Variants in NTNG1 observed in about 807,000 individuals in gnomAD.
NTNG1 encodes netrin G1.
NTNG1 carries 16 observed loss-of-function variants against 54.0 expected under a neutral mutation model. That is an observed-to-expected ratio of 0.30 (90% CI 0.20 to 0.45). The LOEUF is 0.45. Ranked by LOEUF, NTNG1 falls within the 20% of genes least tolerant of loss-of-function variation. The pLI, the probability that NTNG1 is intolerant of heterozygous loss-of-function variation, is 1.00. For missense variants in NTNG1, 530 were observed against 678.7 expected (o/e 0.78, Z 2.43); for synonymous variants, 255 against 263.1 (o/e 0.97, Z 0.30).
chr1:107,306,821 A>G (rs1666724314), intron 2 of NTNG1, among the ~76,000 whole-genome samples: 1 of 152,102 alleles, frequency 6.6e-6, no homozygotes, highest in South Asian at 2.1e-4. Context: ...TTCAATTTCT[A>G]TAAGTGACTT....
At chr1:107,474,333 A>G (rs577375074) in intron 7 of NTNG1, among the ~76,000 whole-genome samples, 1 of 152,220 alleles carries the variant, frequency 6.6e-6, no homozygotes, top group Non-Finnish European at 1.5e-5. Context: ...CCAAGTAAAA[A>G]GTGTGATCAC....
At chr1:107,432,786 A>G (rs1006120039) in intron 6 of NTNG1, among the ~76,000 whole-genome samples, 1 of 152,160 alleles carries the variant, frequency 6.6e-6, no homozygotes, top group Non-Finnish European at 1.5e-5. Context: ...AAAAGGAAAT[A>G]TTTTATTCCA....
chr1:107,337,231 G>C (rs75016834), intron 3 of NTNG1, among the ~76,000 whole-genome samples: 5 of 151,864 alleles, frequency 3.3e-5, no homozygotes, highest in African/African-American at 1.2e-4. Flanking sequence ...ATGGATCAGC[G>C]GAAAACCAAA....
At chr1:107,480,569 T>TCG in intron 7 of NTNG1, 42 bp from the exon 8 acceptor site, 2 of 609,596 alleles carry the variant, frequency 3.3e-6, no homozygotes, top group Non-Finnish European at 3.1e-6. Context: ...CTGCTTCTCC[T>TCG]CCCCGCGCCC....
rs34011515 is a variant in NTNG1 at position 107,154,749 on chromosome 1, G to GATAT, written c.246+5923_246+5926dup. Among the ~76,000 whole-genome samples the GATAT allele has an allele frequency of 7.9e-3, 1,172 of 147,450 alleles. 17 individuals are homozygous for GATAT. Among genetic ancestry groups the GATAT allele is most frequent in the African/African-American group, 0.028 (1,122 of 40,298 alleles). On this transcript the variant is annotated intron_variant, in intron 2 of 7. Transcript: ENST00000370068. ...AGAGGAACAAAATAATAAAGAACCT[G>GATAT]ATATATATATATATATCAGGTTGGA...
chr1:107,463,427 T>G (rs1677401912), intron 7 of NTNG1, among the ~76,000 whole-genome samples: 1 of 152,196 alleles, frequency 6.6e-6, no homozygotes. Context: ...CCATTTATCC[T>G]GAGATTTTGG....
intron 7 of NTNG1, among the ~76,000 whole-genome samples, chr1:107,472,087 T>C (rs1678016411): frequency 6.6e-6 from 1 of 152,146 alleles, no homozygotes; most frequent in Non-Finnish European, 1.5e-5. Flanking sequence ...ACTCAGCCCA[T>C]TAACTACAGG....
intron 4 of NTNG1, 81 bp from the exon 5 acceptor site, chr1:107,407,601 T>C (rs879215908): frequency 8.4e-7 from 1 of 1,187,876 alleles, no homozygotes; most frequent in Non-Finnish European, 1.2e-6. Flanking sequence ...GTCAAGTTTC[T>C]AAGATTTTTA....
At chr1:107,157,023 AT>A (rs991760671) in intron 2 of NTNG1, among the ~76,000 whole-genome samples, 1 of 152,208 alleles carries the variant, frequency 6.6e-6, no homozygotes, top group African/African-American at 2.4e-5. Flanking sequence ...ACACACACTT[AT>A]CCCCACACAC....
At chr1:107,384,140 T>G (rs1671815163) in intron 3 of NTNG1, among the ~76,000 whole-genome samples, 1 of 152,200 alleles carries the variant, frequency 6.6e-6, no homozygotes, top group African/African-American at 2.4e-5. Context: ...CTTGAGCAGT[T>G]CATTATCTCA....
At chr1:107,197,145 G>C (rs994411607) in intron 2 of NTNG1, among the ~76,000 whole-genome samples, 3 of 151,966 alleles carry the variant, frequency 2.0e-5, no homozygotes, top group Non-Finnish European at 4.4e-5. Context: ...TGCTTAATCT[G>C]ACCAACCTAC....
At chr1:107,428,343 T>C (rs951234268) in intron 5 of NTNG1, among the ~76,000 whole-genome samples, 2 of 152,168 alleles carry the variant, frequency 1.3e-5, no homozygotes, top group Non-Finnish European at 2.9e-5. Context: ...TTTATGTCAC[T>C]GTTTTTTCTC....
At chr1:107,328,809 A>T (rs530802172) in intron 3 of NTNG1, 2 of 152,298 alleles carry the variant, frequency 1.3e-5, no homozygotes, top group South Asian at 4.1e-4. Flanking sequence ...AATAATTTAT[A>T]AATCTGAAAG....
At chr1:107,151,704 T>C (rs1654581866) in intron 2 of NTNG1, among the ~76,000 whole-genome samples, 1 of 152,204 alleles carries the variant, frequency 6.6e-6, no homozygotes, top group South Asian at 2.1e-4. Context: ...AGAGTCCGTG[T>C]TGCTGCTTTT....
At chr1:107,265,530 C>A (rs1276247976) in intron 2 of NTNG1, among the ~76,000 whole-genome samples, 1 of 152,096 alleles carries the variant, frequency 6.6e-6, no homozygotes, top group East Asian at 1.9e-4. Context: ...TGCAGGCCTG[C>A]AAGCCTAGTG....
intron 2 of NTNG1, among the ~76,000 whole-genome samples, chr1:107,311,943 T>C (rs1667043892): frequency 6.6e-6 from 1 of 152,180 alleles, no homozygotes; most frequent in Non-Finnish European, 1.5e-5. Flanking sequence ...TTGCAGAGGC[T>C]ATTCTTGAAG....
rs1675568572 is a variant in NTNG1 at position 107,435,943 on chromosome 1, GA to G, written c.1256-718del. ...TATATAAGAATGTGTGAGGAATCAA[GA>G]AAACACTGTATTCACCTTTTATTGT... On this transcript the variant is annotated intron_variant, in intron 6 of 7. Coordinates refer to ENST00000370068, the MANE Select transcript of NTNG1 (RefSeq NM_001113226.3). 2.0e-5 allele frequency among the ~76,000 whole-genome samples: 3 copies of G among 152,258 alleles called. No individual in the cohort carries two copies. The South Asian group carries it at 6.2e-4, about 32-fold the overall frequency.
chr1:107,175,737 T>G (rs574755938), intron 2 of NTNG1, among the ~76,000 whole-genome samples: 103 of 152,146 alleles, frequency 6.8e-4, no homozygotes, highest in African/African-American at 2.4e-3. Flanking sequence ...GGGCACAGAG[T>G]GAATTTTCTT....
chr1:107,444,708 C>T (rs572200606), intron 7 of NTNG1, among the ~76,000 whole-genome samples: 1 of 152,216 alleles, frequency 6.6e-6, no homozygotes, highest in East Asian at 1.9e-4. Context: ...TTTCACACCG[C>T]AGAACCACTG....
Sources: allele counts gnomAD v4.1 joint callset (sites outside exome capture counted in the v4.1 genomes callset), GRCh38; gene constraint gnomAD v4.1.1; transcripts MANE v1.5; gene names NCBI Gene and HGNC (gene_info 2026-07-23, HGNC 2026-07-21).